Variants in AFF3 observed in about 807,000 individuals in gnomAD.
AFF3 encodes AF4/FMR2 family member 3.
In AFF3, 32 loss-of-function variants were observed where a neutral mutation model predicts 129.7. The observed-to-expected ratio is 0.25, with a 90% CI of 0.19 to 0.33. The LOEUF is 0.33. Among genes scored for constraint, AFF3 ranks in the 10% least tolerant of loss-of-function variants. AFF3 has a pLI of 1.00. For missense variants in AFF3, 1,373 were observed against 1,592.0 expected (o/e 0.86, Z 2.34); for synonymous variants, 644 against 635.4 (o/e 1.01, Z -0.20).
intron 4 of AFF3, among the ~76,000 whole-genome samples, chr2:100,103,516 G>A (rs1690912936): frequency 6.8e-6 from 1 of 146,156 alleles, no homozygotes; most frequent in Non-Finnish European, 1.5e-5. Flanking sequence ...GATAGTGGGG[G>A]GTTGGGGGGA....
intron 4 of AFF3, among the ~76,000 whole-genome samples, chr2:100,016,490 G>A (rs1250359900): frequency 6.7e-6 from 1 of 149,880 alleles, no homozygotes; most frequent in Non-Finnish European, 1.5e-5. Flanking sequence ...TGATGAAAGT[G>A]GTGATGGTAC....
intron 7 of AFF3, among the ~76,000 whole-genome samples, chr2:99,987,087 T>C (rs1400371798): frequency 6.6e-6 from 1 of 152,228 alleles, no homozygotes; most frequent in Non-Finnish European, 1.5e-5. Context: ...TGACCATCAA[T>C]GCATGAACCA....
chr2:99,641,308 T>C (rs1684168838), intron 13 of AFF3, among the ~76,000 whole-genome samples: 1 of 152,252 alleles, frequency 6.6e-6, no homozygotes, highest in Non-Finnish European at 1.5e-5. Context: ...GACCACTCTG[T>C]GGCTTTCCAG....
intron 13 of AFF3, among the ~76,000 whole-genome samples, chr2:99,638,394 T>C (rs1409470383): frequency 6.6e-6 from 1 of 152,014 alleles, no homozygotes; most frequent in Admixed American, 6.6e-5. Flanking sequence ...GACAGTCTGG[T>C]TCCCTTTGGC....
rs541296791 is a variant in AFF3, at chr2:100,081,400, G to C, written c.53+23002C>G. ...CTGGAGACAGAAGAGGATGCCTCTG[G>C]GCAGCCAACCCAAGCAGAGCTGGGC... On this transcript the variant is annotated intron_variant, in intron 4 of 24. Coordinates refer to ENST00000672756, the MANE Select transcript of AFF3 (RefSeq NM_001386135.1). Among the ~76,000 whole-genome samples, 281 of 151,608 alleles carry C rather than the reference G, an allele frequency of 1.9e-3. 3 individuals carry two copies. The highest frequency in any genetic ancestry group is 6.4e-3 in the African/African-American group (264 of 41,296).
At chr2:99,716,454 C>T (rs540691937) in intron 11 of AFF3, among the ~76,000 whole-genome samples, 1 of 152,200 alleles carries the variant, frequency 6.6e-6, no homozygotes, top group East Asian at 1.9e-4. Flanking sequence ...ACTGGTAAAA[C>T]AGGAGTATTA....
intron 7 of AFF3, among the ~76,000 whole-genome samples, chr2:99,899,249 A>G (rs1453441526): frequency 1.3e-5 from 2 of 152,230 alleles, no homozygotes; most frequent in Non-Finnish European, 2.9e-5. Context: ...AATCTTGGCA[A>G]GTTTAAACTA....
chr2:99,901,949 C>T (rs780533265), intron 7 of AFF3, among the ~76,000 whole-genome samples: 4 of 151,564 alleles, frequency 2.6e-5, no homozygotes, highest in Admixed American at 6.6e-5. Context: ...CTCCACGTTC[C>T]GGCCTCTTTC....
At chr2:99,738,957 G>C (rs1680480054) in intron 10 of AFF3, among the ~76,000 whole-genome samples, 1 of 149,244 alleles carries the variant, frequency 6.7e-6, no homozygotes, top group Non-Finnish European at 1.5e-5. Context: ...TACTATCTTA[G>C]AATGTATTCT....
At chr2:99,957,914 G>C (rs1576429412) in intron 7 of AFF3, among the ~76,000 whole-genome samples, 1 of 152,140 alleles carries the variant, frequency 6.6e-6, no homozygotes, top group Non-Finnish European at 1.5e-5. Flanking sequence ...AGTGTGACAC[G>C]CTTTTTAGAT....
At chr2:99,919,022 C>A (rs1257717534) in intron 7 of AFF3, among the ~76,000 whole-genome samples, 2 of 152,118 alleles carry the variant, frequency 1.3e-5, no homozygotes, top group African/African-American at 4.8e-5. Context: ...CAATTCTAAT[C>A]ATTATTTTTA....
chr2:99,563,810 C>CAAAAAAAA (rs34843347), intron 20 of AFF3, among the ~76,000 whole-genome samples: 9 of 76,006 alleles, frequency 1.2e-4, no homozygotes, highest in African/African-American at 2.7e-4. Context: ...AATTTAGTCT[C>CAAAAAAAA]AAAAAAAAAA....
chr2:99,561,722 C>T (rs918080883), intron 20 of AFF3, among the ~76,000 whole-genome samples: 7 of 152,138 alleles, frequency 4.6e-5, no homozygotes, highest in Non-Finnish European at 8.8e-5. Flanking sequence ...GGTTTATAAA[C>T]TCATAAGGAG....
intron 8 of AFF3, among the ~76,000 whole-genome samples, chr2:99,785,709 A>T (rs1191699888): frequency 6.6e-6 from 1 of 152,196 alleles, no homozygotes; most frequent in Non-Finnish European, 1.5e-5. Flanking sequence ...TACACTCAAG[A>T]AATTCTGAGA....
At chr2:99,620,908 C>T (rs1681937289) in intron 13 of AFF3, among the ~76,000 whole-genome samples, 1 of 152,156 alleles carries the variant, frequency 6.6e-6, no homozygotes, top group African/African-American at 2.4e-5. Flanking sequence ...CTTCACCTTC[C>T]ACCATGAGTG....
chr2:99,894,221 A>T (rs997556182), intron 7 of AFF3, among the ~76,000 whole-genome samples: 1 of 152,038 alleles, frequency 6.6e-6, no homozygotes, highest in East Asian at 1.9e-4. Context: ...TTGAAAAAAA[A>T]AAAAGGAGGG....
In AFF3 at chr2:99,985,528, G is replaced by A. The variant is rs193044781; in HGVS notation, c.873+21104C>T. Among the ~76,000 whole-genome samples the A allele has an allele frequency of 3.2e-4, 49 of 152,222 alleles. 2 individuals carry two copies. The highest frequency in any genetic ancestry group is 2.9e-3 in the Admixed American group (45 of 15,292). ...ATCAGAGAAATAAAACTAATGAAATGATAAAATTACAGCAAAAAGTGAGAG... is the reference window on the plus strand; with the variant it reads ...ATCAGAGAAATAAAACTAATGAAATAATAAAATTACAGCAAAAAGTGAGAG... On this transcript the variant is annotated intron_variant, in intron 7 of 24. Transcript: ENST00000672756.
At chr2:99,736,861 C>T (rs1345991781) in intron 10 of AFF3, among the ~76,000 whole-genome samples, 1 of 152,098 alleles carries the variant, frequency 6.6e-6, no homozygotes, top group African/African-American at 2.4e-5. Context: ...CTGCCCACCT[C>T]GGTCTCCCAA....
At chr2:100,022,583 T>C (rs567530370) in intron 4 of AFF3, among the ~76,000 whole-genome samples, 68 of 152,218 alleles carry the variant, frequency 4.5e-4, no homozygotes, top group African/African-American at 1.6e-3. Flanking sequence ...GCCAATTTTT[T>C]TTATTTTTAG....
Sources: gnomAD v4.1 joint callset for allele counts (sites outside exome capture counted in the v4.1 genomes callset) on GRCh38, gnomAD v4.1.1 for gene constraint, MANE v1.5 for transcripts, NCBI Gene and HGNC (gene_info 2026-07-23, HGNC 2026-07-21) for gene names.